MUC5B: variants seen among roughly 807,000 people sequenced by gnomAD.
The protein encoded by MUC5B is mucin-5B.
MUC5B carries 116 observed loss-of-function variants against 376.9 expected under a neutral mutation model. That is an observed-to-expected ratio of 0.31 (90% CI 0.26 to 0.36). The LOEUF (loss-of-function observed/expected upper bound fraction) is 0.36, where lower values mean the gene tolerates loss of function less well. Among genes scored for constraint, MUC5B ranks in the 10% least tolerant of loss-of-function variants. The probability of loss-of-function intolerance (pLI) is 1.00; values close to 1 mark genes in which losing one functional copy is unlikely to be tolerated. For missense variants in MUC5B, 7,165 were observed against 7,769.9 expected, an observed-to-expected ratio of 0.92 and a Z score of 2.93; for synonymous variants, 3,517 against 3,390.9, an observed-to-expected ratio of 1.04 and a Z score of -1.29.
rs111706122 is a variant in MUC5B, at chr11:1,248,739, G to T, written c.11859G>T (p.Thr3953=). The T allele has an allele frequency of 1.9e-6, 3 of 1,556,848 alleles. No individual in the cohort carries two copies. Among genetic ancestry groups the T allele is most frequent in the African/African-American group, 1.4e-5 (1 of 72,144 alleles). ...TPPSLITTAT[T]ITATGSTTNP... ...CATCACTGATCACCACGGCCACTAC[G>T]ATCACGGCCACCGGCTCCACCACCA... The change falls in exon 31 of 49, where the codon ACG becomes ACT. Residue 3953 remains threonine, a synonymous_variant. Coordinates refer to ENST00000529681, the MANE Select transcript of MUC5B (RefSeq NM_002458.3).
intron 8 of MUC5B, 142 bp from the exon 9 acceptor site, chr11:1,229,028 G>A (rs1350863594): frequency 9.8e-7 from 1 of 1,025,132 alleles, no homozygotes; most frequent in Non-Finnish European, 1.4e-6. Context: ...CCCACGATGA[G>A]GGGCGTCAGG....
Position 1,261,739 on chromosome 11 carries a change from G to A in MUC5B, c.*131G>A. 1.1e-6 allele frequency: 1 copy of A among 939,140 alleles called. No homozygotes were observed. 58.2% of individuals were successfully genotyped at this position (939,140 alleles called of 1,614,324 possible). The stretch of plus-strand genomic sequence containing the variant: ...GTGGCACCCCGCGCTCCGTGCTCCT[G>A]CTGCCCACCCCGTGGGTGAAACCGG... On this transcript the variant is annotated 3_prime_UTR_variant, in exon 49 of 49. Coordinates refer to ENST00000529681, the MANE Select transcript of MUC5B (RefSeq NM_002458.3).
rs1862729752 is a variant in MUC5B at position 1,252,417 on chromosome 11, G to A, written c.14938G>A (p.Asp4980Asn). 6.2e-7 allele frequency: 1 copy of A among 1,611,222 alleles called. No individual in the cohort carries two copies. Among genetic ancestry groups the A allele is most frequent in the Non-Finnish European group, 8.5e-7 (1 of 1,179,066 alleles). ...YAVCNQHCDIDRFQGACPTSP... is the reference protein window; with the variant it reads ...YAVCNQHCDINRFQGACPTSP... ...AGTGTGCAATCAGCACTGTGACATT[G>A]ACCGCTTCCAGGGCGCCTGTCCCAC... Residue 4980 changes from aspartate to asparagine, a missense_variant, in exon 32 of 49, where the codon GAC becomes AAC. By Grantham distance (23) the Asp-to-Asn change is conservative. Around this residue, in one of 31 missense-constraint regions of MUC5B, gnomAD observed 730 missense variants for 592.7 expected, o/e 1.23. Transcript: ENST00000529681.
rs1321552505 is a variant in MUC5B at position 1,252,364 on chromosome 11, C to T, written c.14885C>T (p.Thr4962Ile). 1.3e-6 allele frequency: 2 copies of T among 1,572,908 alleles called. No individual in the cohort carries two copies. Among genetic ancestry groups the T allele is most frequent in the Admixed American group, 1.8e-5 (1 of 54,218 alleles). ...ACAGGGGAAGTCATCTACAATAAGA[C>T]CGACCGAGCCGGCTGCCATTTCTAC... ...FSPGEVIYNKTDRAGCHFYAV... is the reference protein window; with the variant it reads ...FSPGEVIYNKIDRAGCHFYAV... The change falls in exon 32 of 49, where the codon ACC (threonine) becomes ATC (isoleucine). Residue 4962 changes from threonine to isoleucine, a missense_variant. This residue lies in a region of MUC5B where 730 missense variants were observed against 592.7 expected (regional missense o/e 1.23). Coordinates refer to ENST00000529681, the MANE Select transcript of MUC5B (RefSeq NM_002458.3).
At position 1,241,553 on chromosome 11, in the gene MUC5B, C is replaced by T; in HGVS notation, c.4673C>T (p.Thr1558Ile). 2 of 1,612,592 alleles carry T rather than the reference C, an allele frequency of 1.2e-6. No homozygotes were observed. The highest frequency in any genetic ancestry group is 1.7e-6 in the Non-Finnish European group (2 of 1,179,444). ...ECQAESFPNW[T>I]LAQVGQKVHC... Reference sequence around the variant, plus strand: ...CAGGCCGAGAGCTTCCCCAACTGGACCCTGGCACAGGTGGGGCAGAAGGTG... The same window carrying T: ...CAGGCCGAGAGCTTCCCCAACTGGATCCTGGCACAGGTGGGGCAGAAGGTG... Residue 1558 changes from threonine to isoleucine, a missense_variant, in exon 31 of 49, where the codon ACC (threonine) becomes ATC (isoleucine). By Grantham distance (89) the Thr-to-Ile change is moderately conservative. This residue lies in a region of MUC5B where 517 missense variants were observed against 545.3 expected (regional missense o/e 0.95). Transcript: ENST00000529681.
Position 1,257,958 on chromosome 11 carries a change from G to T in MUC5B, c.16451-141G>T. The T allele has an allele frequency of 1.0e-6, 1 of 973,436 alleles. No individual in the cohort carries two copies. The allele number at this position is 973,436 out of a possible 1,614,324, so 60.3% of individuals were successfully genotyped here. ...TGGGAAGCAGCGGGGAGGTGGCCAA[G>T]CAAGGGGCCTGGAGGGAGCCCCCAG... is the stretch of plus-strand genomic sequence containing the variant. On this transcript the variant is annotated intron_variant, in intron 41 of 48. Transcript: ENST00000529681. This position sits in a 1 kb window ranked among gnomAD's most constrained non-coding sequence, Gnocchi z 8.9.
rs200112414 is a variant in MUC5B at position 1,246,632 on chromosome 11, G to C, written c.9752G>C (p.Arg3251Pro). ...PSSSLGTAWT[R>P]LSQTTTPTAT... ...TCCTCCCTGGGCACCGCCTGGACCCGCCTATCACAGACCACCACACCCACG... is the reference window on the plus strand; with the variant it reads ...TCCTCCCTGGGCACCGCCTGGACCCCCCTATCACAGACCACCACACCCACG... Residue 3251 changes from arginine to proline, a missense_variant, in exon 31 of 49, where the codon CGC becomes CCC. Transcript: ENST00000529681. 1 of 1,610,958 alleles carries C rather than the reference G, an allele frequency of 6.2e-7. No individual in the cohort carries two copies. Among genetic ancestry groups the C allele is most frequent in the African/African-American group, 1.3e-5 (1 of 74,098 alleles).
chr11:1,243,209 C>A lies in MUC5B; in HGVS notation c.6329C>A (p.Thr2110Lys). Residue 2110 changes from threonine (T) to lysine (K), a missense_variant, in exon 31 of 49, where the codon ACA (threonine) becomes AAA (lysine). Thr to Lys is a moderately conservative substitution (Grantham distance 78, BLOSUM62 -1). This residue lies in a region of MUC5B where 897 missense variants were observed against 779.6 expected (regional missense o/e 1.15). Transcript: ENST00000529681. Reference protein sequence around the residue: ...HTATVLTTTTTTVATGSMATP... With the variant: ...HTATVLTTTTKTVATGSMATP... ...GCCACAGTGCTGACCACCACCACCACAACTGTGGCCACTGGTTCTATGGCA... is the reference window on the plus strand; with the variant it reads ...GCCACAGTGCTGACCACCACCACCAAAACTGTGGCCACTGGTTCTATGGCA... 1.3e-6 allele frequency: 2 copies of A among 1,583,888 alleles called. No individual in the cohort carries two copies. Among genetic ancestry groups the A allele is most frequent in the South Asian group, 1.1e-5 (1 of 88,992 alleles).
chr11:1,246,943 A>G lies in MUC5B; in HGVS notation c.10063A>G (p.Thr3355Ala), dbSNP rs1230267524. ...STVTPSSIPGTTHTATVLTTT... is the reference protein window; with the variant it reads ...STVTPSSIPGATHTATVLTTT... ...GGTGACCCCCTCCTCCATCCCGGGG[A>G]CCACCCACACCGCCACAGTGCTGAC... is the stretch of plus-strand genomic sequence containing the variant. Residue 3355 changes from threonine to alanine, a missense_variant, in exon 31 of 49, where the codon ACC (threonine) becomes GCC (alanine). Around this residue, in one of 31 missense-constraint regions of MUC5B, gnomAD observed 939 missense variants for 770.6 expected, o/e 1.22. Transcript: ENST00000529681. 1 of 1,605,162 alleles carries G rather than the reference A, an allele frequency of 6.2e-7. No individual in the cohort carries two copies. The highest frequency in any genetic ancestry group is 1.7e-5 in the Admixed American group (1 of 58,984).
In MUC5B at chr11:1,236,973, G is replaced by A; in HGVS notation, c.3106G>A (p.Asp1036Asn). 1 of 1,543,424 alleles carries A rather than the reference G, an allele frequency of 6.5e-7. No homozygotes were observed. The highest frequency in any genetic ancestry group is 8.8e-7 in the Non-Finnish European group (1 of 1,141,614). The change falls in exon 25 of 49, where the codon GAC becomes AAC. Residue 1036 changes from aspartate to asparagine, a missense_variant. Asp to Asn is a conservative substitution (Grantham distance 23, BLOSUM62 1). Coordinates refer to ENST00000529681, the MANE Select transcript of MUC5B (RefSeq NM_002458.3). The stretch of plus-strand genomic sequence containing the variant: ...GAACTTCGACGACAATGCCATCAAT[G>A]ACTTTGCCACGCGTAGCCGGTCCGT... ...CGNFDDNAIN[D>N]FATRSRSVVG...
chr11:1,253,788 C>A lies in MUC5B; in HGVS notation c.15218-304C>A, dbSNP rs72846374. ...TTCTGTCTCCCGTAAGGACACTGGT[C>A]ATTGGATTGAGGGCCCACCCAGCTA... is the stretch of plus-strand genomic sequence containing the variant. On this transcript the variant is annotated intron_variant, in intron 33 of 48. Transcript: ENST00000529681. This position sits in a 1 kb window ranked among gnomAD's most constrained non-coding sequence, Gnocchi z 4.3. Among the ~76,000 whole-genome samples, 8,218 of 152,254 alleles carry A rather than the reference C, an allele frequency of 0.054. 293 individuals are homozygous for A. Among genetic ancestry groups the A allele is most frequent in the Non-Finnish European group, 0.074 (5,058 of 68,008 alleles).
At position 1,246,574 on chromosome 11, in the gene MUC5B, C is replaced by T. The variant is rs1346150535; in HGVS notation, c.9694C>T (p.Pro3232Ser). 2 of 1,613,424 alleles carry T rather than the reference C, an allele frequency of 1.2e-6. No individual in the cohort carries two copies. Among genetic ancestry groups the T allele is most frequent in the South Asian group, 1.1e-5 (1 of 91,040 alleles). Residue 3232 changes from proline to serine, a missense_variant, in exon 31 of 49, where the codon CCC becomes TCC. Pro to Ser is a moderately conservative substitution (Grantham distance 74, BLOSUM62 -1). Transcript: ENST00000529681. ...LPALRSTATT[P>S]TATSVTAIPS... ...AGCACTGAGAAGCACAGCCACCACA[C>T]CCACAGCTACCAGCGTTACAGCCAT...
rs189584152 is a variant in MUC5B, at chr11:1,246,660, C to G, written c.9780C>G (p.Ala3260=). The change falls in exon 31 of 49, where the codon GCC becomes GCG. Residue 3260 remains alanine (A), a synonymous_variant. Coordinates refer to ENST00000529681, the MANE Select transcript of MUC5B (RefSeq NM_002458.3). ...TRLSQTTTPT[A]TMSTATPSST... ...TATCACAGACCACCACACCCACGGC[C>G]ACCATGTCCACAGCCACACCCTCCT... is the stretch of plus-strand genomic sequence containing the variant. 1.3e-3 allele frequency: 2,145 copies of G among 1,611,782 alleles called. 31 individuals are homozygous for G. In the African/African-American group the frequency reaches 0.02, roughly 15 times the overall value.
At chr11:1,226,307 AG>A (rs1590167113) in intron 3 of MUC5B, 31 bp downstream of exon 3, 1 of 1,548,510 alleles carries the variant, frequency 6.5e-7, no homozygotes. Context: ...CCAGCCGGGA[AG>A]GGGGTGTTTG....
chr11:1,229,040 C>T (rs1861960954), intron 8 of MUC5B, 130 bp from the exon 9 acceptor site: 1 of 1,183,302 alleles, frequency 8.5e-7, no homozygotes, highest in Non-Finnish European at 1.1e-6. Context: ...GGCGTCAGGG[C>T]CACCCTGGGG....
chr11:1,240,346 C>T lies in MUC5B; in HGVS notation c.3941C>T (p.Thr1314Ile), dbSNP rs1184405705. 2 of 1,606,116 alleles carry T rather than the reference C, an allele frequency of 1.2e-6. No homozygotes were observed. Among genetic ancestry groups the T allele is most frequent in the South Asian group, 1.1e-5 (1 of 90,406 alleles). The stretch of plus-strand genomic sequence containing the variant: ...CCAGCCACAACGCCATTCACCTTCA[C>T]CACCGCCTGGGTCCCCCACTCCACG... ...GTPATTPFTFTTAWVPHSTTS... is the reference protein window; with the variant it reads ...GTPATTPFTFITAWVPHSTTS... Residue 1314 changes from threonine (T) to isoleucine (I), a missense_variant, in exon 30 of 49, where the codon ACC (threonine) becomes ATC (isoleucine). This residue lies in a region of MUC5B where 517 missense variants were observed against 545.3 expected (regional missense o/e 0.95). Transcript: ENST00000529681.
chr11:1,236,322 G>C (rs756930485), intron 23 of MUC5B, 64 bp from the exon 24 acceptor site: 4 of 1,511,114 alleles, frequency 2.6e-6, no homozygotes, highest in East Asian at 2.3e-5. Context: ...GGGCATCCCT[G>C]GGTCTCAGGC....
chr11:1,232,942 C>G, intron 17 of MUC5B, 71 bp from the exon 18 acceptor site: 1 of 1,481,412 alleles, frequency 6.8e-7, no homozygotes, highest in Non-Finnish European at 9.0e-7. Context: ...GACGGGGATG[C>G]TGAGTTGAAG....
rs777509004 is a variant in MUC5B at position 1,250,698 on chromosome 11, C to T, written c.13818C>T (p.Ser4606=). The T allele has an allele frequency of 1.2e-6, 2 of 1,613,026 alleles. No individual in the cohort carries two copies. The change falls in exon 31 of 49, where the codon TCC becomes TCT. Residue 4606 remains serine (S), a synonymous_variant. Coordinates refer to ENST00000529681, the MANE Select transcript of MUC5B (RefSeq NM_002458.3). ...TTTTGFTATP[S]SSPGTALTPP... ...CCACGGGCTTCACAGCCACCCCCTC[C>T]TCCAGCCCAGGGACGGCACTCACGC...
Sources: gnomAD v4.1 joint callset for allele counts (sites outside exome capture counted in the v4.1 genomes callset) on GRCh38, gnomAD v4.1.1 for gene constraint, gnomAD v4.1.1 regional missense constraint, Gnocchi (gnomAD v3.1) non-coding constraint, MANE v1.5 for transcripts, NCBI Gene and HGNC (gene_info 2026-07-23, HGNC 2026-07-21) for gene names.